The following TNNI3K variants were observed in gnomAD, a reference collection of about 807,000 sequenced individuals.
The protein encoded by TNNI3K is serine/threonine-protein kinase TNNI3K.
TNNI3K carries 140 observed loss-of-function variants against 114.5 expected under a neutral mutation model. The observed-to-expected ratio is 1.22, with a 90% CI of 1.07 to 1.41. The LOEUF is 1.41. TNNI3K is among the 40% of genes most tolerant of loss of function. TNNI3K has a pLI of 0.00. For synonymous variants in TNNI3K, 347 were observed against 347.5 expected (o/e 1.00, Z 0.02); for missense variants, 1,125 against 1,007.6 (o/e 1.12, Z -1.58).
Position 74,271,703 on chromosome 1 carries a change from C to G in TNNI3K, c.439C>G (p.Leu147Val). The stretch of plus-strand genomic sequence containing the variant: ...CCATATTGCTACAATAGCTGGCCAC[C>G]TAGAGGTAAGTCATGCCTTTGGCAC... ...ALHIATIAGH[L>V]EAADVLLQHG... Residue 147 changes from leucine (L) to valine (V), a missense_variant, in exon 5 of 25, where the codon CTA becomes GTA. Transcript: ENST00000326637. The G allele has an allele frequency of 6.2e-7, 1 of 1,605,566 alleles. No individual in the cohort carries two copies. The highest frequency in any genetic ancestry group is 1.7e-5 in the Admixed American group (1 of 59,190).
intron 11 of TNNI3K, among the ~76,000 whole-genome samples, chr1:74,356,757 A>G (rs1258261781): frequency 6.6e-6 from 1 of 152,206 alleles, no homozygotes; most frequent in East Asian, 1.9e-4. Flanking sequence ...GTAAGCTTCT[A>G]AGATTTCCTA....
At chr1:74,333,492 C>G (rs573846092) in intron 6 of TNNI3K, among the ~76,000 whole-genome samples, 1 of 152,280 alleles carries the variant, frequency 6.6e-6, no homozygotes, top group African/African-American at 2.4e-5. Flanking sequence ...CATAAAGAGC[C>G]TGTATGCATG....
At chr1:74,377,471 C>G (rs1236404886) in intron 17 of TNNI3K, among the ~76,000 whole-genome samples, 1 of 151,848 alleles carries the variant, frequency 6.6e-6, no homozygotes, top group Non-Finnish European at 1.5e-5. Flanking sequence ...GTAGAATCTT[C>G]ACAAGTAGCC....
intron 23 of TNNI3K, among the ~76,000 whole-genome samples, chr1:74,505,791 G>A (rs1669865893): frequency 6.6e-6 from 1 of 152,110 alleles, no homozygotes; most frequent in Non-Finnish European, 1.5e-5. Context: ...ACTGGACCCA[G>A]GAAGAAAATA....
Position 74,362,535 on chromosome 1 carries a change from T to C in TNNI3K, c.1178-4721T>C, listed in dbSNP as rs535991726. Reference sequence around the variant, plus strand: ...AGCAAGAGATTAGAATCAGCTTTCATTGTTTTTAAGTTAAAATTGTGGGGG... The same window carrying C: ...AGCAAGAGATTAGAATCAGCTTTCACTGTTTTTAAGTTAAAATTGTGGGGG... On this transcript the variant is annotated intron_variant, in intron 11 of 24. Coordinates refer to ENST00000326637, the MANE Select transcript of TNNI3K (RefSeq NM_015978.3). 4.6e-5 allele frequency among the ~76,000 whole-genome samples: 7 copies of C among 152,256 alleles called. 1 individual carries two copies. The South Asian group carries it at 1.4e-3, about 32-fold the overall frequency.
intron 21 of TNNI3K, among the ~76,000 whole-genome samples, chr1:74,485,896 G>A (rs148820085): frequency 2.6e-5 from 4 of 152,202 alleles, no homozygotes; most frequent in Admixed American, 1.3e-4. Context: ...CAACCAATGC[G>A]CTTAAAAGAG....
intron 11 of TNNI3K, 97 bp from the exon 12 acceptor site, chr1:74,367,159 T>C: frequency 1.7e-6 from 2 of 1,164,346 alleles, no homozygotes; most frequent in Non-Finnish European, 2.5e-6. Flanking sequence ...ATTTGTCCTA[T>C]GTTGTAAGCT....
intron 17 of TNNI3K, chr1:74,375,696 C>G (rs1442274658): frequency 2.3e-6 from 1 of 437,542 alleles, no homozygotes; most frequent in Non-Finnish European, 4.7e-6. Context: ...TCCAACCCAA[C>G]CAATCAGCAG....
chr1:74,325,157 C>T (rs1659830116), intron 5 of TNNI3K, among the ~76,000 whole-genome samples: 1 of 152,126 alleles, frequency 6.6e-6, no homozygotes, highest in South Asian at 2.1e-4. Context: ...GCATGAGTTT[C>T]TGTGAAAGGG....
At chr1:74,530,043 C>T (rs1646560162) in intron 23 of TNNI3K, among the ~76,000 whole-genome samples, 1 of 152,174 alleles carries the variant, frequency 6.6e-6, no homozygotes, top group South Asian at 2.1e-4. Flanking sequence ...CAGCTCACTG[C>T]AACCTCTACC....
chr1:74,530,093 G>A (rs1483738152), intron 23 of TNNI3K, among the ~76,000 whole-genome samples: 4 of 152,262 alleles, frequency 2.6e-5, no homozygotes, highest in Middle Eastern at 3.4e-3. Context: ...GCCTCCCAAA[G>A]TGCTGGGATT....
chr1:74,327,005 T>C (rs1393239599), intron 5 of TNNI3K, among the ~76,000 whole-genome samples: 3 of 147,188 alleles, frequency 2.0e-5, no homozygotes, highest in South Asian at 4.3e-4. Flanking sequence ...TGCTTAAACC[T>C]GGGAGGTGGA....
chr1:74,415,897 G>A (rs1665095083), intron 17 of TNNI3K, among the ~76,000 whole-genome samples: 1 of 152,068 alleles, frequency 6.6e-6, no homozygotes, highest in African/African-American at 2.4e-5. Context: ...GCTACTACTG[G>A]TATGCAGACA....
chr1:74,506,437 T>G (rs1669906448), intron 23 of TNNI3K, among the ~76,000 whole-genome samples: 1 of 152,160 alleles, frequency 6.6e-6, no homozygotes, highest in Non-Finnish European at 1.5e-5. Flanking sequence ...AAGCCCATGA[T>G]TTTTTTACTA....
chr1:74,243,940 A>G (rs1184939024), intron 2 of TNNI3K, among the ~76,000 whole-genome samples: 1 of 152,144 alleles, frequency 6.6e-6, no homozygotes, highest in Non-Finnish European at 1.5e-5. Flanking sequence ...TTAGGGTATT[A>G]GAATACATAA....
intron 17 of TNNI3K, 56 bp downstream of exon 17, chr1:74,370,448 A>G (rs1221284233): frequency 6.7e-7 from 1 of 1,490,442 alleles, no homozygotes; most frequent in Non-Finnish European, 9.2e-7. Flanking sequence ...GGAGTTTAAG[A>G]CAGATTTCAG....
chr1:74,413,636 C>T (rs775269223), intron 17 of TNNI3K, among the ~76,000 whole-genome samples: 14 of 152,108 alleles, frequency 9.2e-5, no homozygotes, highest in Admixed American at 4.6e-4. Context: ...TGATTGGAGG[C>T]ACTTTAATTC....
chr1:74,281,417 G>T lies in TNNI3K; in HGVS notation c.444+9709G>T, dbSNP rs986658683. ...TACCTAGCACATAAACTTTAGGAAA[G>T]TTAGCTCTCATTTTTATTTGTTCTG... is the stretch of plus-strand genomic sequence containing the variant. On this transcript the variant is annotated intron_variant, in intron 5 of 24. Coordinates refer to ENST00000326637, the MANE Select transcript of TNNI3K (RefSeq NM_015978.3). Among the ~76,000 whole-genome samples the T allele has an allele frequency of 4.0e-5, 6 of 151,274 alleles. No individual in the cohort carries two copies. The South Asian group carries it at 1.0e-3, about 26-fold the overall frequency.
chr1:74,394,149 A>G (rs188300473), intron 17 of TNNI3K, among the ~76,000 whole-genome samples: 1 of 152,352 alleles, frequency 6.6e-6, no homozygotes, highest in Non-Finnish European at 1.5e-5. Flanking sequence ...AGGTAATGCT[A>G]TCTTTAAGCT....
Sources: allele counts gnomAD v4.1 joint callset (sites outside exome capture counted in the v4.1 genomes callset), GRCh38; gene constraint gnomAD v4.1.1; transcripts MANE v1.5; gene names NCBI Gene and HGNC (gene_info 2026-07-23, HGNC 2026-07-21).